The following ATP8A2 variants were observed in gnomAD, a reference collection of about 807,000 sequenced individuals.
The protein encoded by ATP8A2 is ATPase phospholipid transporting 8A2.
In ATP8A2, 100 loss-of-function variants were observed where a neutral mutation model predicts 165.6. The observed-to-expected ratio is 0.60, with a 90% confidence interval of 0.51 to 0.71. The LOEUF (loss-of-function observed/expected upper bound fraction) is 0.71, where lower values mean the gene tolerates loss of function less well. Ranked by LOEUF, ATP8A2 falls within the 30% of genes least tolerant of loss-of-function variation. The pLI, the probability that ATP8A2 is intolerant of heterozygous loss-of-function variation, is 0.00. For synonymous variants in ATP8A2, 543 were observed against 548.8 expected (o/e 0.99, Z 0.15); for missense variants, 1,227 against 1,479.5 (o/e 0.83, Z 2.80).
chr13:25,843,544 A>G (rs1168685681), intron 30 of ATP8A2, among the ~76,000 whole-genome samples: 76 of 152,218 alleles, frequency 5.0e-4, no homozygotes, highest in Non-Finnish European at 2.9e-5. Context: ...CCCTTCCACT[A>G]TGTGGGAATA....
intron 16 of ATP8A2, among the ~76,000 whole-genome samples, chr13:25,565,347 C>T (rs559453767): frequency 7.8e-4 from 119 of 152,334 alleles, no homozygotes; most frequent in Non-Finnish European, 8.2e-4. Context: ...CTCCCACCAG[C>T]AGTGCAGAAG....
At chr13:25,687,278 G>T (rs1434460507) in intron 24 of ATP8A2, among the ~76,000 whole-genome samples, 1 of 152,218 alleles carries the variant, frequency 6.6e-6, no homozygotes, top group Non-Finnish European at 1.5e-5. Context: ...GTAAGGAAAT[G>T]ACCCAGGTGA....
At chr13:25,846,515 G>A (rs1951867954) in intron 30 of ATP8A2, among the ~76,000 whole-genome samples, 1 of 152,200 alleles carries the variant, frequency 6.6e-6, no homozygotes, top group Non-Finnish European at 1.5e-5. Context: ...AAGATGACAT[G>A]AAGCAGTTGG....
chr13:25,405,378 C>T (rs141134824), intron 1 of ATP8A2, among the ~76,000 whole-genome samples: 101 of 152,310 alleles, frequency 6.6e-4, no homozygotes, highest in African/African-American at 2.3e-3. Flanking sequence ...CTTATGTATC[C>T]AGTTAAATTA....
intron 25 of ATP8A2, among the ~76,000 whole-genome samples, chr13:25,699,903 T>TGG (rs59792443): frequency 0.19 from 29,215 of 151,352 alleles, 2,981 homozygotes; most frequent in East Asian, 0.3. Context: ...GCTGGCTATG[T>TGG]GGAGGTCTAG....
chr13:25,439,124 A>C (rs2034859872), intron 1 of ATP8A2, among the ~76,000 whole-genome samples: 2 of 152,228 alleles, frequency 1.3e-5, no homozygotes, highest in South Asian at 4.1e-4. Flanking sequence ...ATACAGGGCC[A>C]CATCCCCCAC....
chr13:25,511,876 G>T (rs1195074506), intron 2 of ATP8A2, among the ~76,000 whole-genome samples: 5 of 150,876 alleles, frequency 3.3e-5, no homozygotes, highest in Admixed American at 2.0e-4. Flanking sequence ...TCTTTCTCTG[G>T]TTTCTGTGGA....
At chr13:25,860,113 A>G in intron 30 of ATP8A2, 82 bp from the exon 31 acceptor site, 1 of 826,490 alleles carries the variant, frequency 1.2e-6, no homozygotes, top group South Asian at 1.6e-5. Context: ...ATGTTCCTAA[A>G]GTTCCCTGTT....
intron 25 of ATP8A2, among the ~76,000 whole-genome samples, chr13:25,711,342 A>G (rs2043154685): frequency 6.6e-6 from 1 of 151,918 alleles, no homozygotes; most frequent in Non-Finnish European, 1.5e-5. Context: ...CAGGATTTGA[A>G]CTCTGGAGTC....
chr13:25,594,496 T>C (rs922457054), intron 24 of ATP8A2, among the ~76,000 whole-genome samples: 5 of 152,272 alleles, frequency 3.3e-5, no homozygotes, highest in African/African-American at 1.2e-4. Flanking sequence ...TCTTTAGCGG[T>C]GGTTCGTGAG....
chr13:25,481,787 CAG>C (rs1207783527), intron 2 of ATP8A2, among the ~76,000 whole-genome samples: 3 of 152,148 alleles, frequency 2.0e-5, no homozygotes, highest in African/African-American at 4.8e-5. Context: ...CCTCCCAGAA[CAG>C]AGAGAGTGAG....
intron 25 of ATP8A2, among the ~76,000 whole-genome samples, chr13:25,704,882 C>T (rs1386755933): frequency 6.6e-6 from 1 of 152,118 alleles, no homozygotes; most frequent in Non-Finnish European, 1.5e-5. Flanking sequence ...AATATCAGGG[C>T]CTATGCTCTT....
chr13:25,672,958 G>C (rs2042298392), intron 24 of ATP8A2, among the ~76,000 whole-genome samples: 1 of 152,140 alleles, frequency 6.6e-6, no homozygotes. Flanking sequence ...ATAAGGGATT[G>C]GTGGAAAAGA....
chr13:25,961,683 G>A lies in ATP8A2; in HGVS notation c.3272+20G>A, dbSNP rs540246083. The A allele has an allele frequency of 2.0e-5, 32 of 1,577,008 alleles. No homozygotes were observed. In the Admixed American group the frequency reaches 2.3e-4, roughly 12 times the overall value. ...GAGAGCGTAAGTTTAACAGTGAAGC[G>A]GGGACCCTAAGTCTGGCTCATCTGT... is the stretch of plus-strand genomic sequence containing the variant. On this transcript the variant is annotated intron_variant, in intron 34 of 36. Transcript: ENST00000381655.
chr13:25,881,330 G>C (rs1952972305), intron 33 of ATP8A2, among the ~76,000 whole-genome samples: 1 of 152,134 alleles, frequency 6.6e-6, no homozygotes, highest in South Asian at 2.1e-4. Context: ...TTCCTCATTG[G>C]TCTGCCCAAT....
chr13:25,956,315 A>G (rs1483781263), intron 33 of ATP8A2, among the ~76,000 whole-genome samples: 1 of 152,250 alleles, frequency 6.6e-6, no homozygotes, highest in East Asian at 1.9e-4. Flanking sequence ...AAATAGGAAG[A>G]GAAGAAGTCA....
chr13:25,938,802 G>A (rs554949264), intron 33 of ATP8A2, among the ~76,000 whole-genome samples: 3 of 151,944 alleles, frequency 2.0e-5, no homozygotes, highest in South Asian at 2.1e-4. Context: ...TCTGCAACAC[G>A]TTCCAGAGAC....
At chr13:25,507,065 G>A (rs1175085129) in intron 2 of ATP8A2, among the ~76,000 whole-genome samples, 1 of 151,550 alleles carries the variant, frequency 6.6e-6, no homozygotes, top group Non-Finnish European at 1.5e-5. Flanking sequence ...ATAATACTGT[G>A]TAGAGGGAGA....
At chr13:25,377,854 C>G (rs983394971) in intron 1 of ATP8A2, among the ~76,000 whole-genome samples, 1 of 152,076 alleles carries the variant, frequency 6.6e-6, no homozygotes. Flanking sequence ...CCTGTTGGCT[C>G]ACGTGTGTAA....
Sources: gnomAD v4.1 joint callset for allele counts (sites outside exome capture counted in the v4.1 genomes callset) on GRCh38, gnomAD v4.1.1 for gene constraint, MANE v1.5 for transcripts, NCBI Gene and HGNC (gene_info 2026-07-23, HGNC 2026-07-21) for gene names.